The following CLASP1 variants were observed in gnomAD, a reference collection of about 807,000 sequenced individuals.
The protein encoded by CLASP1 is CLIP-associating protein 1.
In CLASP1, 38 loss-of-function variants were observed where a neutral mutation model predicts 192.3. The observed-to-expected ratio is 0.20, with a 90% CI of 0.15 to 0.26. The LOEUF is 0.26. Ranked by LOEUF, CLASP1 falls within the 10% of genes least tolerant of loss-of-function variation. The pLI, the probability that CLASP1 is intolerant of heterozygous loss-of-function variation, is 1.00. For missense variants in CLASP1, 1,433 were observed against 1,932.5 expected (o/e 0.74, Z 4.85); for synonymous variants, 691 against 712.8 (o/e 0.97, Z 0.49).
chr2:121,642,401 TAAA>T (rs35181269), intron 1 of CLASP1, among the ~76,000 whole-genome samples: 16 of 107,488 alleles, frequency 1.5e-4, no homozygotes, highest in East Asian at 2.6e-4. Context: ...ATCTTTTTGC[TAAA>T]AAAAAAAAAA....
At chr2:121,481,847 G>C (rs540528165) in intron 8 of CLASP1, among the ~76,000 whole-genome samples, 2 of 152,158 alleles carry the variant, frequency 1.3e-5, no homozygotes, top group African/African-American at 2.4e-5. Context: ...GAAGTACTTT[G>C]TTGGGAGCTG....
chr2:121,497,808 C>G (rs1382787317), intron 8 of CLASP1, among the ~76,000 whole-genome samples: 2 of 152,148 alleles, frequency 1.3e-5, no homozygotes, highest in African/African-American at 4.8e-5. Context: ...CAACCTCCAC[C>G]TCCCAGGTTC....
chr2:121,462,500 G>C lies in CLASP1; in HGVS notation c.939+32C>G, dbSNP rs77617451. On this transcript the variant is annotated intron_variant, in intron 10 of 39. Coordinates refer to ENST00000263710, the Ensembl canonical transcript of CLASP1. ...AAACTTGAAGAGTAAGTTGACCCTT[G>C]TTTGTAATCATACTCAAATATCCTC... 13,792 of 1,245,382 alleles carry C rather than the reference G, an allele frequency of 0.011. 1,131 individuals carry two copies. The African/African-American group carries it at 0.18, about 16-fold the overall frequency. 77.1% of individuals were successfully genotyped at this position (1,245,382 alleles called of 1,614,324 possible). A position where few individuals can be genotyped will look rare whatever the true frequency, so the allele number is the denominator to read the frequency against.
At position 121,612,928 on chromosome 2, in the gene CLASP1, A is replaced by G. The variant is rs543962040; in HGVS notation, c.-285-6748T>C. On this transcript the variant is annotated intron_variant, in intron 1 of 39. Transcript: ENST00000263710. ...CCTTACAGCAGTGTTGACATCAAAG[A>G]TTATTCAGAATGTAACACTATTTCT... Among the ~76,000 whole-genome samples the G allele has an allele frequency of 2.0e-5, 3 of 152,332 alleles. No individual in the cohort carries two copies. The South Asian group carries it at 6.2e-4, about 32-fold the overall frequency.
intron 6 of CLASP1, among the ~76,000 whole-genome samples, chr2:121,521,733 G>A (rs974317882): frequency 8.5e-5 from 13 of 152,216 alleles, no homozygotes; most frequent in Non-Finnish European, 1.3e-4. Flanking sequence ...GTTAGCCGCT[G>A]CCTGAAGAGC....
intron 2 of CLASP1, among the ~76,000 whole-genome samples, chr2:121,588,817 C>T (rs186617854): frequency 8.5e-5 from 13 of 152,314 alleles, no homozygotes; most frequent in African/African-American, 3.1e-4. Flanking sequence ...GGCCATTTGC[C>T]CCCAGTCGAG....
intron 34 of CLASP1, 90 bp downstream of exon 35, chr2:121,377,409 A>G: frequency 3.4e-6 from 3 of 873,412 alleles, no homozygotes; most frequent in Non-Finnish European, 1.7e-6. Context: ...ATAATGATGA[A>G]GCTCAGTAAT....
At chr2:121,430,005 A>AGT in intron 20 of CLASP1, 68 bp downstream of exon 20, 3 of 1,201,642 alleles carry the variant, frequency 2.5e-6, no homozygotes, top group Non-Finnish European at 3.6e-6. Context: ...AGATTGTAAA[A>AGT]TGTTCAACTG....
chr2:121,452,379 AAGG>A (rs2085667120), intron 14 of CLASP1, among the ~76,000 whole-genome samples: 1 of 152,158 alleles, frequency 6.6e-6, no homozygotes, highest in South Asian at 2.1e-4. Context: ...CAACCAATAG[AAGG>A]ATGTTTCAGC....
intron 6 of CLASP1, among the ~76,000 whole-genome samples, chr2:121,519,119 T>C (rs1025192544): frequency 6.6e-6 from 1 of 152,210 alleles, no homozygotes; most frequent in South Asian, 2.1e-4. Context: ...CAAATATTAA[T>C]AAGTAGACTT....
At chr2:121,439,600 A>G (rs1303968964) in intron 19 of CLASP1, among the ~76,000 whole-genome samples, 1 of 152,020 alleles carries the variant, frequency 6.6e-6, no homozygotes, top group African/African-American at 2.4e-5. Flanking sequence ...GTCATTCAGG[A>G]GCAGGTTGTT....
chr2:121,464,732 A>C (rs2089130465), intron 9 of CLASP1, among the ~76,000 whole-genome samples: 1 of 152,022 alleles, frequency 6.6e-6, no homozygotes, highest in African/African-American at 2.4e-5. Context: ...AGTTCATTGT[A>C]GATTCTGGAT....
Position 121,530,986 on chromosome 2 carries a change from T to A in CLASP1, c.196-661A>T, listed in dbSNP as rs572870823. 3.9e-5 allele frequency: 27 copies of A among 699,940 alleles called. No individual in the cohort carries two copies. Among genetic ancestry groups the A allele is most frequent in the South Asian group, 3.7e-4 (25 of 67,196 alleles). The allele number at this position is 699,940 out of a possible 1,614,324, so 43.4% of individuals were successfully genotyped here. ...CGCATCAACTAGAGCTTTTGCTTTATTTTGGTGCAATTTTTGGAAAAATGA... is the reference window on the plus strand; with the variant it reads ...CGCATCAACTAGAGCTTTTGCTTTAATTTGGTGCAATTTTTGGAAAAATGA... On this transcript the variant is annotated intron_variant, in intron 2 of 39. Coordinates refer to ENST00000263710, the Ensembl canonical transcript of CLASP1.
intron 2 of CLASP1, among the ~76,000 whole-genome samples, chr2:121,563,367 C>T (rs1299238644): frequency 1.3e-5 from 2 of 152,172 alleles, no homozygotes; most frequent in African/African-American, 4.8e-5. Context: ...AGGCCAGTAG[C>T]ACTTTTAAAG....
intron 19 of CLASP1, among the ~76,000 whole-genome samples, chr2:121,435,099 C>T (rs1364878764): frequency 1.3e-5 from 2 of 152,060 alleles, no homozygotes; most frequent in African/African-American, 2.4e-5. Context: ...GGCAGAAGGA[C>T]AGCTTGAGGC....
At chr2:121,612,447 G>GGAGGAGGAAAAGTGGAAGGAA (rs2065775521) in intron 1 of CLASP1, among the ~76,000 whole-genome samples, 1 of 151,718 alleles carries the variant, frequency 6.6e-6, no homozygotes, top group Non-Finnish European at 1.5e-5. Flanking sequence ...AGGACTTGGA[G>GGAGGAGGAAAAGTGGAAGGAA]GAGGAGGAAA....
Position 121,509,147 on chromosome 2 carries a change from A to G in CLASP1, c.645-5913T>C, listed in dbSNP as rs545871089. 9.2e-5 allele frequency among the ~76,000 whole-genome samples: 14 copies of G among 152,240 alleles called. No individual in the cohort carries two copies. In the South Asian group the frequency reaches 1.9e-3, roughly 20 times the overall value. Reference sequence around the variant, plus strand: ...TATAATCCAACTAGAACAAACATCTATAAGACATTCAAACAAACAATATTA... The same window carrying G: ...TATAATCCAACTAGAACAAACATCTGTAAGACATTCAAACAAACAATATTA... On this transcript the variant is annotated intron_variant, in intron 7 of 39. Coordinates refer to ENST00000263710, the Ensembl canonical transcript of CLASP1.
chr2:121,608,831 G>A (rs755247769), intron 1 of CLASP1, among the ~76,000 whole-genome samples: 3 of 151,830 alleles, frequency 2.0e-5, no homozygotes, highest in Non-Finnish European at 2.9e-5. Context: ...ATTTCATAGC[G>A]TTTACTCCTT....
chr2:121,518,522 T>C (rs1333913038), intron 6 of CLASP1, among the ~76,000 whole-genome samples: 1 of 152,150 alleles, frequency 6.6e-6, no homozygotes, highest in Non-Finnish European at 1.5e-5. Context: ...ACACAGATTA[T>C]CAGTTTATTT....
Sources: gnomAD v4.1 joint callset for allele counts (sites outside exome capture counted in the v4.1 genomes callset) on GRCh38, gnomAD v4.1.1 for gene constraint, MANE v1.5 for transcripts, NCBI Gene and HGNC (gene_info 2026-07-23, HGNC 2026-07-21) for gene names.